Variants in AXDND1 observed in about 807,000 individuals in gnomAD.
AXDND1 encodes axonemal dynein light chain domain-containing protein 1.
In AXDND1, 110 loss-of-function variants were observed where a neutral mutation model predicts 137.5. The observed-to-expected ratio is 0.80, with a 90% CI of 0.69 to 0.94. AXDND1 has a LOEUF of 0.94. Among genes scored for constraint, AXDND1 ranks in the 40% least tolerant of loss-of-function variants. The pLI is 0.00. For missense variants in AXDND1, 1,191 were observed against 1,169.8 expected (o/e 1.02, Z -0.26); for synonymous variants, 414 against 399.7 (o/e 1.04, Z -0.43).
intron 3 of AXDND1, 101 bp downstream of exon 3, chr1:179,369,073 C>A: frequency 8.1e-7 from 1 of 1,229,722 alleles, no homozygotes; most frequent in Non-Finnish European, 1.1e-6. Context: ...TCCAGATAGC[C>A]TTAAAAATTT....
In AXDND1 at chr1:179,430,472, G is replaced by T; in HGVS notation, c.1353G>T (p.Leu451=). The stretch of plus-strand genomic sequence containing the variant: ...TATAGGACACTGAAGACCTTGCACT[G>T]TTGCAGAAGTTGACACAAAAATGGA... ...LSNKDTEDLA[L]LQKLTQKWRN... Residue 451 remains leucine (L), a synonymous_variant, in exon 14 of 26, where the codon CTG becomes CTT. Coordinates refer to ENST00000367618, the MANE Select transcript of AXDND1 (RefSeq NM_144696.6). 6.2e-7 allele frequency: 1 copy of T among 1,613,342 alleles called. No individual in the cohort carries two copies. Among genetic ancestry groups the T allele is most frequent in the Non-Finnish European group, 8.5e-7 (1 of 1,179,636 alleles).
intron 25 of AXDND1, among the ~76,000 whole-genome samples, chr1:179,553,581 A>G (rs1015349684): frequency 6.6e-6 from 1 of 152,218 alleles, no homozygotes; most frequent in Admixed American, 6.5e-5. Flanking sequence ...AAACTAAATT[A>G]GTGGTTGCCA....
At chr1:179,417,615 G>T (rs1654897673) in intron 12 of AXDND1, among the ~76,000 whole-genome samples, 2 of 151,998 alleles carry the variant, frequency 1.3e-5, no homozygotes, top group Admixed American at 1.3e-4. Flanking sequence ...GTTTACTATG[G>T]CTTTGTACTA....
intron 11 of AXDND1, among the ~76,000 whole-genome samples, chr1:179,404,557 G>C (rs1254907529): frequency 6.6e-6 from 1 of 152,102 alleles, no homozygotes; most frequent in African/African-American, 2.4e-5. Context: ...TCCAAAAAAT[G>C]TTCAAATATG....
chr1:179,520,796 T>G (rs534785770), intron 21 of AXDND1, among the ~76,000 whole-genome samples: 7 of 150,692 alleles, frequency 4.6e-5, no homozygotes, highest in African/African-American at 1.5e-4. Flanking sequence ...GCCTGAATAT[T>G]TTATTTTTTG....
intron 12 of AXDND1, among the ~76,000 whole-genome samples, chr1:179,419,459 C>A (rs1051107522): frequency 1.3e-5 from 2 of 148,838 alleles, no homozygotes; most frequent in African/African-American, 4.9e-5. Flanking sequence ...CAAAAAAATA[C>A]GAAAACCAGT....
intron 25 of AXDND1, among the ~76,000 whole-genome samples, chr1:179,538,090 T>C (rs899342097): frequency 6.6e-6 from 1 of 152,168 alleles, no homozygotes; most frequent in Non-Finnish European, 1.5e-5. Flanking sequence ...TCTTTTCTTC[T>C]TTATTAGTCT....
At chr1:179,406,701 TAG>T (rs1240203465) in intron 11 of AXDND1, among the ~76,000 whole-genome samples, 1 of 152,206 alleles carries the variant, frequency 6.6e-6, no homozygotes, top group Non-Finnish European at 1.5e-5. Context: ...TCTGTCTGCA[TAG>T]AGTGTCTTTT....
chr1:179,417,797 T>C (rs148888569), intron 12 of AXDND1, among the ~76,000 whole-genome samples: 4 of 152,246 alleles, frequency 2.6e-5, no homozygotes, highest in African/African-American at 9.6e-5. Context: ...TGCAAATTTC[T>C]TTGGGTAGTA....
Position 179,430,537 on chromosome 1 carries a change from T to C in AXDND1, c.1418T>C (p.Met473Thr), listed in dbSNP as rs1396714150. The change falls in exon 14 of 26, where the codon ATG (methionine) becomes ACG (threonine). Residue 473 changes from methionine to threonine, a missense_variant. Transcript: ENST00000367618. ...VNKLKQEVEQ[M>T]EESTSETLKI... ...AAACTTAAACAAGAGGTAGAACAAA[T>C]GGAAGAGTCTACAAGCGAGACACTG... The C allele has an allele frequency of 1.2e-6, 2 of 1,613,860 alleles. No individual in the cohort carries two copies. The highest frequency in any genetic ancestry group is 1.3e-5 in the African/African-American group (1 of 74,922).
intron 20 of AXDND1, among the ~76,000 whole-genome samples, chr1:179,497,845 A>G (rs1667600247): frequency 6.6e-6 from 1 of 152,184 alleles, no homozygotes; most frequent in Non-Finnish European, 1.5e-5. Flanking sequence ...AAAAAGCAAT[A>G]GCATTTCTAT....
At chr1:179,444,019 TC>T (rs1440606606) in intron 15 of AXDND1, among the ~76,000 whole-genome samples, 5 of 151,954 alleles carry the variant, frequency 3.3e-5, no homozygotes, top group Admixed American at 6.6e-5. Context: ...TGAAGATATT[TC>T]CTGTTCTATA....
At chr1:179,496,792 A>G (rs1009605839) in intron 20 of AXDND1, among the ~76,000 whole-genome samples, 3 of 152,004 alleles carry the variant, frequency 2.0e-5, no homozygotes, top group African/African-American at 7.2e-5. Context: ...AGCTGAGATT[A>G]TTGATTTGAG....
chr1:179,419,399 G>A (rs1416946884), intron 12 of AXDND1, among the ~76,000 whole-genome samples: 1 of 150,268 alleles, frequency 6.7e-6, no homozygotes, highest in African/African-American at 2.4e-5. Context: ...ATCACTCGCG[G>A]TTAGGAGCTG....
chr1:179,552,072 GC>G (rs1489542504), intron 25 of AXDND1: 1 of 166,700 alleles, frequency 6.0e-6, no homozygotes, highest in Non-Finnish European at 1.3e-5. Flanking sequence ...TCTTCCCAAG[GC>G]CCCCTCACCC....
intron 20 of AXDND1, among the ~76,000 whole-genome samples, chr1:179,495,618 A>T (rs1205197661): frequency 6.6e-6 from 1 of 151,894 alleles, no homozygotes; most frequent in Non-Finnish European, 1.5e-5. Context: ...GATTTTTAAT[A>T]CACAGTCATG....
At chr1:179,501,081 A>G (rs1667952492) in intron 20 of AXDND1, among the ~76,000 whole-genome samples, 1 of 152,202 alleles carries the variant, frequency 6.6e-6, no homozygotes, top group African/African-American at 2.4e-5. Flanking sequence ...CATATATAGA[A>G]CATTTCTATT....
At chr1:179,390,017 G>GTTT (rs35107498) in intron 9 of AXDND1, among the ~76,000 whole-genome samples, 12 of 140,908 alleles carry the variant, frequency 8.5e-5, no homozygotes, top group Non-Finnish European at 9.2e-5. Flanking sequence ...ACCTAGATCA[G>GTTT]TTTTTTTTTT....
chr1:179,460,207 G>A (rs1362914143), intron 16 of AXDND1, among the ~76,000 whole-genome samples: 6 of 151,454 alleles, frequency 4.0e-5, no homozygotes, highest in Non-Finnish European at 8.8e-5. Flanking sequence ...CCCACCCCAC[G>A]ACAGGCCTCG....
Sources: gnomAD v4.1 joint callset for allele counts (sites outside exome capture counted in the v4.1 genomes callset) on GRCh38, gnomAD v4.1.1 for gene constraint, MANE v1.5 for transcripts, NCBI Gene and HGNC (gene_info 2026-07-23, HGNC 2026-07-21) for gene names.